The following SLC35F3 variants were observed in gnomAD, a reference collection of about 807,000 sequenced individuals.
The protein encoded by SLC35F3 is solute carrier family 35 member F3.
SLC35F3 carries 25 observed loss-of-function variants against 49.9 expected under a neutral mutation model. The observed-to-expected ratio is 0.50, with a 90% CI of 0.37 to 0.70. The LOEUF (loss-of-function observed/expected upper bound fraction) is 0.70. SLC35F3 is among the 30% of genes least tolerant of loss of function. SLC35F3 has a pLI of 0.00. For synonymous variants in SLC35F3, 275 were observed against 265.4 expected, an observed-to-expected ratio of 1.04 and a Z score of -0.35; for missense variants, 525 against 639.8, an observed-to-expected ratio of 0.82 and a Z score of 1.94.
At position 234,038,020 on chromosome 1, in the gene SLC35F3, AG is replaced by A. The variant is rs1468767103; in HGVS notation, c.283+132263del. Among the ~76,000 whole-genome samples the A allele has an allele frequency of 3.1e-5, 3 of 95,788 alleles. No homozygotes were observed. The African/African-American group carries it at 5.6e-4, about 18-fold the overall frequency. 62.8% of individuals were successfully genotyped at this position (95,788 alleles called of 152,430 possible). A position where few individuals can be genotyped will look rare whatever the true frequency, so the allele number is the denominator to read the frequency against. On this transcript the variant is annotated intron_variant, in intron 2 of 7. Transcript: ENST00000366618. ...GGTACATGTGCACAATATGCAGGTT[AG>A]TTACATATGTATACATGTGCCATGT... is the stretch of plus-strand genomic sequence containing the variant.
At chr1:234,289,447 A>G (rs1273947160) in intron 3 of SLC35F3, among the ~76,000 whole-genome samples, 1 of 152,198 alleles carries the variant, frequency 6.6e-6, no homozygotes, top group East Asian at 1.9e-4. Context: ...CTTACTGGAA[A>G]TATGACTGTA....
intron 3 of SLC35F3, among the ~76,000 whole-genome samples, chr1:234,260,035 G>C (rs148061145): frequency 1.3e-5 from 2 of 152,094 alleles, no homozygotes; most frequent in African/African-American, 4.8e-5. Context: ...GGGTAGGACA[G>C]GTGGGGAAAG....
intron 2 of SLC35F3, among the ~76,000 whole-genome samples, chr1:234,203,907 A>G (rs565906308): frequency 1.3e-5 from 2 of 152,362 alleles, no homozygotes; most frequent in Admixed American, 6.5e-5. Flanking sequence ...AGGTATAGAT[A>G]ATATGTAGCT....
rs1667359921 is a variant in SLC35F3 at position 234,231,020 on chromosome 1, A to G, written c.284-397A>G. 6.6e-6 allele frequency among the ~76,000 whole-genome samples: 1 copy of G among 152,140 alleles called. No individual in the cohort carries two copies. On this transcript the variant is annotated intron_variant, in intron 2 of 7. Coordinates refer to ENST00000366618, the MANE Select transcript of SLC35F3 (RefSeq NM_173508.4). This position sits in a 1 kb window ranked among gnomAD's most constrained non-coding sequence, Gnocchi z 5.4. ...GAGTACTCGTCAACTGACATAAATG[A>G]GAGTGGAGATATTTCAGCTGCTCTG...
rs745681130 is a variant in SLC35F3, at chr1:234,231,763, A to AG, written c.608+24dup. The AG allele has an allele frequency of 1.0e-5, 16 of 1,575,298 alleles. No individual in the cohort carries two copies. The South Asian group carries it at 1.8e-4, about 18-fold the overall frequency. On this transcript the variant is annotated intron_variant, in intron 3 of 7. Coordinates refer to ENST00000366618, the MANE Select transcript of SLC35F3 (RefSeq NM_173508.4). The surrounding 1 kb of genome is among the most constrained non-coding windows in gnomAD (Gnocchi z 5.4). ...ACAGGTAGGCGCGTCCTGCATGAGGAGGCCTCCTGACCCCGGGCTGCTCCA... is the reference window on the plus strand; with the variant it reads ...ACAGGTAGGCGCGTCCTGCATGAGGAGGGCCTCCTGACCCCGGGCTGCTCCA...
intron 2 of SLC35F3, among the ~76,000 whole-genome samples, chr1:233,998,398 C>T (rs542867249): frequency 2.0e-5 from 3 of 151,756 alleles, no homozygotes; most frequent in East Asian, 3.9e-4. Context: ...AAAATCATGT[C>T]GGATTTTTCT....
At chr1:233,935,548 G>T (rs1571986405) in intron 2 of SLC35F3, among the ~76,000 whole-genome samples, 1 of 151,996 alleles carries the variant, frequency 6.6e-6, no homozygotes, top group African/African-American at 2.4e-5. Flanking sequence ...GACGGAGTTT[G>T]CTGTCCAGTG....
chr1:234,312,058 A>T (rs1205827771), intron 4 of SLC35F3, among the ~76,000 whole-genome samples: 1 of 152,206 alleles, frequency 6.6e-6, no homozygotes, highest in Admixed American at 6.5e-5. Flanking sequence ...GAGGGGGTTG[A>T]TGGATCAGCC....
At chr1:234,241,019 G>A (rs567030933) in intron 3 of SLC35F3, among the ~76,000 whole-genome samples, 12 of 152,354 alleles carry the variant, frequency 7.9e-5, no homozygotes, top group Admixed American at 2.0e-4. Flanking sequence ...TCAAGCTCTT[G>A]ATGCTTTTTA....
intron 3 of SLC35F3, among the ~76,000 whole-genome samples, chr1:234,253,436 G>T (rs1667768415): frequency 7.6e-6 from 1 of 131,750 alleles, no homozygotes; most frequent in Non-Finnish European, 1.6e-5. Flanking sequence ...ATTGTTCAGT[G>T]AAAAAGCAAC....
intron 2 of SLC35F3, among the ~76,000 whole-genome samples, chr1:234,073,384 G>T (rs969170911): frequency 6.6e-6 from 1 of 152,156 alleles, no homozygotes; most frequent in Non-Finnish European, 1.5e-5. Flanking sequence ...GGGCTCAAGA[G>T]ATCCTCCTGC....
intron 3 of SLC35F3, among the ~76,000 whole-genome samples, chr1:234,304,046 T>TTCC (rs1558104721): frequency 0.014 from 353 of 24,368 alleles, no homozygotes; most frequent in African/African-American, 0.026. Context: ...TCCTTCCTTC[T>TTCC]TTCTTTCCTT....
intron 2 of SLC35F3, among the ~76,000 whole-genome samples, chr1:234,018,596 G>T (rs1663843412): frequency 6.6e-6 from 1 of 152,146 alleles, no homozygotes; most frequent in Non-Finnish European, 1.5e-5. Context: ...GCAGCACTGG[G>T]AAGACAAACA....
At chr1:234,115,384 C>T (rs776613290) in intron 2 of SLC35F3, among the ~76,000 whole-genome samples, 2 of 152,142 alleles carry the variant, frequency 1.3e-5, no homozygotes, top group Non-Finnish European at 2.9e-5. Flanking sequence ...CCCTTGTATG[C>T]ACTTACATAA....
chr1:234,194,358 C>T (rs751415935), intron 2 of SLC35F3, among the ~76,000 whole-genome samples: 38 of 152,262 alleles, frequency 2.5e-4, no homozygotes, highest in Non-Finnish European at 4.9e-4. Flanking sequence ...AAACAACAAA[C>T]ATCGCATGTT....
intron 2 of SLC35F3, among the ~76,000 whole-genome samples, chr1:233,931,728 A>G (rs1662245470): frequency 6.6e-6 from 1 of 152,246 alleles, no homozygotes; most frequent in Admixed American, 6.5e-5. Context: ...TGTGGAAGAC[A>G]GTGTGGCAAT....
intron 3 of SLC35F3, among the ~76,000 whole-genome samples, chr1:234,259,175 A>G (rs574885049): frequency 1.3e-5 from 2 of 152,322 alleles, no homozygotes; most frequent in South Asian, 4.1e-4. Flanking sequence ...GGACAAGATG[A>G]CCTCTAAAAC....
chr1:234,049,950 C>T (rs1035743817), intron 2 of SLC35F3, among the ~76,000 whole-genome samples: 5 of 152,150 alleles, frequency 3.3e-5, no homozygotes, highest in Non-Finnish European at 5.9e-5. Flanking sequence ...ATCCATGTCC[C>T]TACAAAGGAC....
At chr1:233,987,961 T>C (rs1663292867) in intron 2 of SLC35F3, among the ~76,000 whole-genome samples, 1 of 152,256 alleles carries the variant, frequency 6.6e-6, no homozygotes, top group South Asian at 2.1e-4. Context: ...TGAAGGTTAA[T>C]AATTATAGCA....
Sources: allele counts gnomAD v4.1 joint callset (sites outside exome capture counted in the v4.1 genomes callset), GRCh38; gene constraint gnomAD v4.1.1; non-coding constraint Gnocchi (gnomAD v3.1); transcripts MANE v1.5; gene names NCBI Gene and HGNC (gene_info 2026-07-23, HGNC 2026-07-21).